Variants in INSL6 observed in about 807,000 individuals in gnomAD.
INSL6 encodes insulin like 6.
Under a neutral mutation model 9.4 loss-of-function variants are expected in INSL6, and 16 were observed. The ratio of observed to expected loss-of-function variants is 1.70; its 90% CI spans 1.15 to 2.59. INSL6 has a LOEUF of 2.59. Among genes scored for constraint, INSL6 ranks in the 30% most tolerant of loss-of-function variants. The pLI is 0.00. For missense variants in INSL6, 391 were observed against 257.3 expected (o/e 1.52, Z -3.56); for synonymous variants, 154 against 96.9 (o/e 1.59, Z -3.46).
At chr9:5,107,117 G>A in the INSL6 span, among the ~76,000 whole-genome samples, 2 of 152,052 alleles carry the variant, frequency 1.3e-5, no homozygotes, top group Admixed American at 6.5e-5. Context: ...GATGTAGTAT[G>A]ACTATTCTTA....
the INSL6 span, chr9:5,085,714 G>T: frequency 5.3e-6 from 4 of 749,986 alleles, no homozygotes; most frequent in African/African-American, 5.1e-5. Context: ...CTAGCAGTGT[G>T]GATCATTTCT....
chr9:5,108,281 C>G, the INSL6 span: 1 of 152,038 alleles, frequency 6.6e-6, no homozygotes, highest in Non-Finnish European at 1.5e-5. Context: ...TTTATATTTT[C>G]TTTGAAGCCA....
At chr9:5,018,424 C>T in the INSL6 span, among the ~76,000 whole-genome samples, 13 of 152,166 alleles carry the variant, frequency 8.5e-5, no homozygotes, top group Non-Finnish European at 1.6e-4. Flanking sequence ...CAGCCTCGAC[C>T]TCCATGGTCT....
chr9:5,105,600 T>C, the INSL6 span, among the ~76,000 whole-genome samples: 1 of 152,118 alleles, frequency 6.6e-6, no homozygotes, highest in African/African-American at 2.4e-5. Context: ...AGAGCCTGCA[T>C]TGCCAAGACC....
the INSL6 span, chr9:5,089,989 T>G: frequency 7.9e-6 from 4 of 508,854 alleles, no homozygotes; most frequent in Non-Finnish European, 1.3e-5. Context: ...CATTCTATAA[T>G]GACTAGAGAT....
At chr9:5,089,647 T>G in the INSL6 span, 1 of 1,244,538 alleles carries the variant, frequency 8.0e-7, no homozygotes, top group Non-Finnish European at 1.0e-6. Context: ...ACTTGGTATT[T>G]CCATCCTAAT....
chr9:5,047,058 A>G, the INSL6 span, among the ~76,000 whole-genome samples: 11 of 152,206 alleles, frequency 7.2e-5, no homozygotes, highest in Non-Finnish European at 1.3e-4. Context: ...TGGCAAGGTA[A>G]TTCCACCATA....
At chr9:5,112,735 C>T in the INSL6 span, 1 of 725,538 alleles carries the variant, frequency 1.4e-6, no homozygotes, top group Non-Finnish European at 2.1e-6. Context: ...CCAAAACAGC[C>T]TGTTTGAAAC....
chr9:5,004,065 T>G, the INSL6 span, among the ~76,000 whole-genome samples: 3 of 152,186 alleles, frequency 2.0e-5, no homozygotes, highest in Non-Finnish European at 2.9e-5. Flanking sequence ...CATTTTGTTA[T>G]ATGTATACAT....
chr9:5,108,909 A>G, the INSL6 span: 1 of 152,236 alleles, frequency 6.6e-6, no homozygotes, highest in Admixed American at 6.5e-5. Flanking sequence ...CTGCCTAGCA[A>G]ATTCCAACTA....
At chr9:5,168,308 C>T (rs943717143) in intron 1 of INSL6, among the ~76,000 whole-genome samples, 3 of 152,030 alleles carry the variant, frequency 2.0e-5, no homozygotes, top group Admixed American at 2.0e-4. Context: ...AAACTTGTTG[C>T]AAAGAAGCTA....
the INSL6 span, chr9:5,077,483 G>T: frequency 7.7e-7 from 1 of 1,304,856 alleles, no homozygotes; most frequent in Non-Finnish European, 1.0e-6. Flanking sequence ...GTAAAATTTG[G>T]ATCACTAGAT....
chr9:5,122,895 C>G, downstream of INSL6: 2 of 677,388 alleles, frequency 3.0e-6, no homozygotes, highest in Non-Finnish European at 4.8e-6. Context: ...GCTGTGATAA[C>G]TCTTTTCTCT....
the INSL6 span, among the ~76,000 whole-genome samples, chr9:5,010,812 A>G: frequency 6.6e-6 from 1 of 152,080 alleles, no homozygotes; most frequent in Non-Finnish European, 1.5e-5. Context: ...CTCAGCATCC[A>G]TTTATCTGAA....
the INSL6 span, among the ~76,000 whole-genome samples, chr9:5,117,459 C>T: frequency 6.6e-6 from 1 of 152,136 alleles, no homozygotes; most frequent in Admixed American, 6.5e-5. Flanking sequence ...AAAATATTTT[C>T]ATAATAATGG....
the INSL6 span, among the ~76,000 whole-genome samples, chr9:5,060,238 T>C: frequency 1.3e-5 from 2 of 152,248 alleles, no homozygotes; most frequent in South Asian, 4.1e-4. Flanking sequence ...TGATGGCTGC[T>C]GACCGATCAG....
chr9:5,072,279 A>G, the INSL6 span, among the ~76,000 whole-genome samples: 1 of 152,180 alleles, frequency 6.6e-6, no homozygotes, highest in East Asian at 1.9e-4. Context: ...GCCAAAATAC[A>G]CTTAATTCAT....
the INSL6 span, chr9:5,097,806 A>C: frequency 6.6e-6 from 1 of 152,332 alleles, no homozygotes; most frequent in Non-Finnish European, 1.5e-5. Flanking sequence ...ACGTCCTATC[A>C]CCAGGAGCGG....
the INSL6 span, chr9:5,113,965 G>C: frequency 3.7e-6 from 1 of 271,576 alleles, no homozygotes; most frequent in East Asian, 1.1e-4. Context: ...GTACACCCAG[G>C]TGCCATCAGC....
Sources: allele counts gnomAD v4.1 joint callset (sites outside exome capture counted in the v4.1 genomes callset), GRCh38; gene constraint gnomAD v4.1.1; transcripts MANE v1.5; gene names NCBI Gene and HGNC (gene_info 2026-07-23, HGNC 2026-07-21).